Variants in CACNA1D observed in about 807,000 individuals in gnomAD.
CACNA1D encodes the protein voltage-dependent L-type calcium channel subunit alpha-1D.
Under a neutral mutation model 257.1 loss-of-function variants are expected in CACNA1D, and 55 were observed. The ratio of observed to expected loss-of-function variants is 0.21; its 90% CI spans 0.17 to 0.27. The LOEUF is 0.27. Ranked by LOEUF, CACNA1D falls within the 10% of genes least tolerant of loss-of-function variation. The probability of loss-of-function intolerance (pLI) is 1.00; values close to 1 mark genes in which losing one functional copy is unlikely to be tolerated. For missense variants in CACNA1D, 1,876 were observed against 2,784.0 expected, an observed-to-expected ratio of 0.67 and a Z score of 7.34; for synonymous variants, 980 against 1,014.9, an observed-to-expected ratio of 0.97 and a Z score of 0.65.
At chr3:53,663,193 G>A (rs979723952) in intron 5 of CACNA1D, among the ~76,000 whole-genome samples, 6 of 152,098 alleles carry the variant, frequency 3.9e-5, no homozygotes, top group African/African-American at 7.2e-5. Context: ...TGCTTATCAC[G>A]GTAAAGATTT....
intron 2 of CACNA1D, among the ~76,000 whole-genome samples, 198 bp from the exon 3 acceptor site, chr3:53,501,417 G>A (rs1261622242): frequency 6.6e-6 from 1 of 152,136 alleles, no homozygotes; most frequent in African/African-American, 2.4e-5. Flanking sequence ...GAGGTCATTT[G>A]GTAGGAGGCT....
At position 53,731,256 on chromosome 3, in the gene CACNA1D, T is replaced by C. The variant is rs2094989186; in HGVS notation, c.2406+110T>C. 5.0e-6 allele frequency: 4 copies of C among 804,240 alleles called. No individual in the cohort carries two copies. The Admixed American group carries it at 7.8e-5, about 16-fold the overall frequency. The allele number at this position is 804,240 out of a possible 1,614,324, so 49.8% of individuals were successfully genotyped here. A position where few individuals can be genotyped will look rare whatever the true frequency, so the allele number is the denominator to read the frequency against. ...TGTCTTGTGTATCATTCTTGTAATA[T>C]TTTGGTGTGAAGAATATGGCACACC... is the stretch of plus-strand genomic sequence containing the variant. On this transcript the variant is annotated intron_variant, in intron 17 of 47. Coordinates refer to ENST00000350061, the MANE Select transcript of CACNA1D (RefSeq NM_001128840.3).
chr3:53,635,722 T>A (rs2093875284), intron 3 of CACNA1D, among the ~76,000 whole-genome samples: 1 of 152,146 alleles, frequency 6.6e-6, no homozygotes, highest in Admixed American at 6.5e-5. Flanking sequence ...TCCTACTCCA[T>A]CCTGCCTTCT....
intron 3 of CACNA1D, among the ~76,000 whole-genome samples, chr3:53,587,059 T>C (rs1479924684): frequency 1.3e-5 from 2 of 152,126 alleles, no homozygotes; most frequent in Non-Finnish European, 2.9e-5. Context: ...CAGTGGGCCT[T>C]GCAAGCCAGG....
intron 3 of CACNA1D, among the ~76,000 whole-genome samples, chr3:53,556,122 T>TC (rs2092641141): frequency 6.6e-6 from 1 of 152,246 alleles, no homozygotes; most frequent in South Asian, 2.1e-4. Flanking sequence ...GAGAAATCGT[T>TC]CTTTTTTATT....
chr3:53,769,246 A>G (rs1249894263), intron 30 of CACNA1D, among the ~76,000 whole-genome samples: 4 of 152,186 alleles, frequency 2.6e-5, no homozygotes, highest in Non-Finnish European at 5.9e-5. Context: ...GAGGGACAGG[A>G]GCACAGCCAG....
intron 3 of CACNA1D, among the ~76,000 whole-genome samples, chr3:53,518,536 AACCCAC>A (rs2091432823): frequency 6.6e-6 from 1 of 152,106 alleles, no homozygotes; most frequent in Non-Finnish European, 1.5e-5. Flanking sequence ...GAACTTGCAC[AACCCAC>A]ACATAGGGCT....
At chr3:53,795,059 T>G (rs2095501580) in intron 40 of CACNA1D, among the ~76,000 whole-genome samples, 1 of 152,176 alleles carries the variant, frequency 6.6e-6, no homozygotes. Flanking sequence ...CCCGGAGGCA[T>G]GGAGCTGCCT....
chr3:53,546,744 T>A (rs1239310245), intron 3 of CACNA1D, among the ~76,000 whole-genome samples: 1 of 152,208 alleles, frequency 6.6e-6, no homozygotes, highest in Non-Finnish European at 1.5e-5. Flanking sequence ...CTGCATTGCA[T>A]CATACACAGA....
chr3:53,533,473 C>T (rs2092015089), intron 3 of CACNA1D, among the ~76,000 whole-genome samples: 1 of 152,164 alleles, frequency 6.6e-6, no homozygotes, highest in Non-Finnish European at 1.5e-5. Context: ...GCTCATTTTT[C>T]TGTCTTCTTC....
chr3:53,672,118 G>A (rs2094328637), intron 7 of CACNA1D, among the ~76,000 whole-genome samples: 1 of 152,180 alleles, frequency 6.6e-6, no homozygotes, highest in South Asian at 2.1e-4. Context: ...GGTCTGCCAG[G>A]GAGACTGTGT....
At chr3:53,614,178 A>G (rs2093612792) in intron 3 of CACNA1D, among the ~76,000 whole-genome samples, 1 of 151,528 alleles carries the variant, frequency 6.6e-6, no homozygotes, top group Non-Finnish European at 1.5e-5. Context: ...GCTGAGATAG[A>G]GCACTTGAGG....
chr3:53,495,027 T>TC lies in CACNA1D; in HGVS notation c.-136dup. On this transcript the variant is annotated 5_prime_UTR_variant, in exon 1 of 48. Coordinates refer to ENST00000350061, the MANE Select transcript of CACNA1D (RefSeq NM_001128840.3). The surrounding 1 kb of genome is among the most constrained non-coding windows in gnomAD (Gnocchi z 5.1). ...ATTTTCTGTTATTTGTCCCCGTCCC[T>TC]CCCCACCCCCCTGCTGAAGCGAGAA... 4 of 450,744 alleles carry TC rather than the reference T, an allele frequency of 8.9e-6. No homozygotes were observed. The highest frequency in any genetic ancestry group is 4.8e-5 in the South Asian group (3 of 62,094). 27.9% of individuals were successfully genotyped at this position (450,744 alleles called of 1,614,324 possible).
At chr3:53,541,880 G>T (rs1166447694) in intron 3 of CACNA1D, among the ~76,000 whole-genome samples, 1 of 152,096 alleles carries the variant, frequency 6.6e-6, no homozygotes, top group African/African-American at 2.4e-5. Flanking sequence ...TTAAGTCAAG[G>T]CAGCTGAGAC....
At chr3:53,613,794 GT>G (rs1319621796) in intron 3 of CACNA1D, among the ~76,000 whole-genome samples, 2 of 151,882 alleles carry the variant, frequency 1.3e-5, no homozygotes, top group Non-Finnish European at 2.9e-5. Flanking sequence ...TTGATACAAG[GT>G]TTCGGGCAGT....
intron 21 of CACNA1D, among the ~76,000 whole-genome samples, chr3:53,740,694 C>A (rs2095108892): frequency 6.6e-6 from 1 of 151,280 alleles, no homozygotes; most frequent in Non-Finnish European, 1.5e-5. Flanking sequence ...CATGTAGGAG[C>A]CACTCTGGCT....
intron 3 of CACNA1D, among the ~76,000 whole-genome samples, chr3:53,522,709 C>T (rs143981435): frequency 9.0e-4 from 137 of 152,256 alleles, no homozygotes; most frequent in African/African-American, 3.2e-3. Context: ...TGATACATGC[C>T]TGTAAGGTGT....
chr3:53,507,287 G>C (rs974811648), intron 3 of CACNA1D, among the ~76,000 whole-genome samples: 13 of 152,018 alleles, frequency 8.6e-5, no homozygotes, highest in Admixed American at 2.6e-4. Flanking sequence ...AGTATTGACG[G>C]CTTTTCCAAA....
intron 3 of CACNA1D, among the ~76,000 whole-genome samples, chr3:53,505,955 T>C (rs2090827603): frequency 6.6e-6 from 1 of 152,220 alleles, no homozygotes; most frequent in Admixed American, 6.5e-5. Context: ...GAGTGTAGTG[T>C]TAACTGGGCT....
Sources: gnomAD v4.1 joint callset for allele counts (sites outside exome capture counted in the v4.1 genomes callset) on GRCh38, gnomAD v4.1.1 for gene constraint, Gnocchi (gnomAD v3.1) non-coding constraint, MANE v1.5 for transcripts, NCBI Gene and HGNC (gene_info 2026-07-23, HGNC 2026-07-21) for gene names.